Variants in EFCAB5 observed in about 807,000 individuals in gnomAD.
EFCAB5 encodes the protein EF-hand calcium-binding domain-containing protein 5.
In EFCAB5, 131 loss-of-function variants were observed where a neutral mutation model predicts 167.9. The ratio of observed to expected loss-of-function variants is 0.78; its 90% CI spans 0.68 to 0.90. The LOEUF is 0.90. EFCAB5 is among the 40% of genes least tolerant of loss of function. The pLI, the probability that EFCAB5 is intolerant of heterozygous loss-of-function variation, is 0.00. For synonymous variants in EFCAB5, 574 were observed against 602.8 expected, an observed-to-expected ratio of 0.95 and a Z score of 0.70; for missense variants, 1,663 against 1,745.2, an observed-to-expected ratio of 0.95 and a Z score of 0.84.
upstream of EFCAB5, among the ~76,000 whole-genome samples, chr17:29,939,393 A>G (rs1432186523): frequency 6.6e-6 from 1 of 152,240 alleles, no homozygotes; most frequent in African/African-American, 2.4e-5. Context: ...CATTGGTTTC[A>G]ACTTAAAGTC....
At position 30,051,816 on chromosome 17, in the gene EFCAB5, G is replaced by A. The variant is rs75931483; in HGVS notation, c.1300+599G>A. On this transcript the variant is annotated intron_variant, in intron 9 of 22. Coordinates refer to ENST00000394835, the MANE Select transcript of EFCAB5 (RefSeq NM_198529.4). ...GCTGGGATTGTAGGTGTAAGCCACC[G>A]TACCCAGCCTGGTAATTCCATTTTT... is the stretch of plus-strand genomic sequence containing the variant. Among the ~76,000 whole-genome samples the A allele has an allele frequency of 4.6e-5, 7 of 152,184 alleles. No individual in the cohort carries two copies. The East Asian group carries it at 7.7e-4, about 17-fold the overall frequency.
chr17:29,980,094 G>A (rs1005988956), intron 4 of EFCAB5, among the ~76,000 whole-genome samples: 1 of 152,118 alleles, frequency 6.6e-6, no homozygotes, highest in African/African-American at 2.4e-5. Flanking sequence ...GCTTGACCCC[G>A]GGAGGCGGAG....
intron 7 of EFCAB5, among the ~76,000 whole-genome samples, chr17:30,002,165 C>G (rs902828369): frequency 8.5e-5 from 13 of 152,130 alleles, no homozygotes; most frequent in Middle Eastern, 3.4e-3. Flanking sequence ...AATAAATATT[C>G]TTTAAAACAT....
chr17:30,042,419 A>G (rs2069799974), intron 8 of EFCAB5, among the ~76,000 whole-genome samples: 1 of 152,164 alleles, frequency 6.6e-6, no homozygotes, highest in Non-Finnish European at 1.5e-5. Flanking sequence ...TGGTATCTCT[A>G]AGGAATGCCT....
intron 7 of EFCAB5, among the ~76,000 whole-genome samples, chr17:30,003,105 G>A (rs114374696): frequency 5.0e-5 from 7 of 140,996 alleles, no homozygotes; most frequent in South Asian, 2.5e-4. Flanking sequence ...GTAGCGGGGG[G>A]GGGGTCTGAT....
chr17:29,965,165 C>T (rs1180669829), intron 3 of EFCAB5, among the ~76,000 whole-genome samples: 1 of 151,938 alleles, frequency 6.6e-6, no homozygotes, highest in Non-Finnish European at 1.5e-5. Context: ...AATGTAATCA[C>T]TTACAGCTAT....
Position 30,067,855 on chromosome 17 carries a change from G to A in EFCAB5, c.2737+8154G>A, listed in dbSNP as rs115710158. Among the ~76,000 whole-genome samples, 1,088 of 152,274 alleles carry A rather than the reference G, an allele frequency of 7.1e-3. 15 individuals carry two copies. Among genetic ancestry groups the A allele is most frequent in the African/African-American group, 0.022 (933 of 41,538 alleles). ...AGCCAGAGCAGTTAGGAAAGAGACA[G>A]AAATAAAGGGCATCCAAATTGGAAA... On this transcript the variant is annotated intron_variant, in intron 14 of 22. Transcript: ENST00000394835.
At chr17:30,084,490 C>G (rs1370280564) in intron 18 of EFCAB5, among the ~76,000 whole-genome samples, 1 of 152,164 alleles carries the variant, frequency 6.6e-6, no homozygotes, top group Non-Finnish European at 1.5e-5. Context: ...ACAAAGCCAC[C>G]AGGGTCACAC....
chr17:29,942,514 T>A (rs2151514935), intron 2 of EFCAB5, among the ~76,000 whole-genome samples: 1 of 152,298 alleles, frequency 6.6e-6, no homozygotes, highest in Non-Finnish European at 1.5e-5. Flanking sequence ...GAAGAACTGT[T>A]ATAAATTACA....
chr17:30,100,843 C>T (rs999093060), intron 22 of EFCAB5, among the ~76,000 whole-genome samples: 2 of 151,986 alleles, frequency 1.3e-5, no homozygotes, highest in Non-Finnish European at 2.9e-5. Context: ...AAGGAATATT[C>T]CAGGTGTTGC....
chr17:30,053,510 A>G lies in EFCAB5; in HGVS notation c.1556A>G (p.Gln519Arg), dbSNP rs1051054283. 3 of 1,613,842 alleles carry G rather than the reference A, an allele frequency of 1.9e-6. No individual in the cohort carries two copies. The African/African-American group carries it at 4.0e-5, about 22-fold the overall frequency. The stretch of plus-strand genomic sequence containing the variant: ...GGAGTAACTGCAGAACAAGGACCAC[A>G]AAGAATTTCAATTGAAGAACAACAA... ...QRGVTAEQGP[Q>R]RISIEEQQQG... The change falls in exon 10 of 23, where the codon CAA (glutamine) becomes CGA (arginine). Residue 519 changes from glutamine to arginine, a missense_variant. Coordinates refer to ENST00000394835, the MANE Select transcript of EFCAB5 (RefSeq NM_198529.4).
chr17:30,107,617 A>G (rs2071465678), intron 22 of EFCAB5, among the ~76,000 whole-genome samples: 1 of 152,206 alleles, frequency 6.6e-6, no homozygotes, highest in Admixed American at 6.5e-5. Flanking sequence ...ATGAATACAA[A>G]TAACTCTAAT....
chr17:29,955,892 T>A (rs9900112), intron 3 of EFCAB5, among the ~76,000 whole-genome samples: 73,852 of 151,646 alleles, frequency 0.49, 18,326 homozygotes, highest in East Asian at 0.68. Flanking sequence ...AACCTGGAGG[T>A]ATCATGCTAC....
At position 30,053,121 on chromosome 17, in the gene EFCAB5, A is replaced by G. The variant is rs183554591; in HGVS notation, c.1301-134A>G. On this transcript the variant is annotated intron_variant, in intron 9 of 22. Transcript: ENST00000394835. ...TTTTATTGTGTTGCAGCCAAAGATA[A>G]CTGATATTTATTTAGAGCAATAGGC... is the stretch of plus-strand genomic sequence containing the variant. 4.9e-6 allele frequency: 5 copies of G among 1,014,050 alleles called. No homozygotes were observed. The Admixed American group carries it at 1.4e-4, about 29-fold the overall frequency. 62.8% of individuals were successfully genotyped at this position (1,014,050 alleles called of 1,614,324 possible).
At chr17:29,996,714 T>G (rs946501697) in intron 6 of EFCAB5, among the ~76,000 whole-genome samples, 3 of 152,218 alleles carry the variant, frequency 2.0e-5, no homozygotes, top group Non-Finnish European at 4.4e-5. Flanking sequence ...GAAAACTATA[T>G]GCACTGGCTA....
chr17:29,968,256 A>C (rs2151576281), intron 3 of EFCAB5: 1 of 424,666 alleles, frequency 2.4e-6, no homozygotes, highest in African/African-American at 2.1e-5. Flanking sequence ...TTTGAACCAA[A>C]CCCTGGCACC....
At chr17:29,942,117 C>G in intron 1 of EFCAB5, 123 bp from the exon 2 acceptor site, 1 of 823,220 alleles carries the variant, frequency 1.2e-6, no homozygotes, top group Non-Finnish European at 1.9e-6. Context: ...TTTTATTTCA[C>G]ATGATATTTA....
At chr17:30,012,115 G>A (rs920100092) in intron 7 of EFCAB5, among the ~76,000 whole-genome samples, 11 of 152,166 alleles carry the variant, frequency 7.2e-5, no homozygotes, top group Admixed American at 5.9e-4. Context: ...TAGTGGTAAC[G>A]CCAGCGTCTG....
At chr17:29,970,637 G>GACACACACACACACACACAC (rs34545008) in intron 4 of EFCAB5, among the ~76,000 whole-genome samples, 25 of 138,740 alleles carry the variant, frequency 1.8e-4, no homozygotes, top group African/African-American at 2.5e-4. Context: ...CTCAAAAACA[G>GACACACACACACACACACAC]ACACACACAC....
Sources: gnomAD v4.1 joint callset for allele counts (sites outside exome capture counted in the v4.1 genomes callset) on GRCh38, gnomAD v4.1.1 for gene constraint, MANE v1.5 for transcripts, NCBI Gene and HGNC (gene_info 2026-07-23, HGNC 2026-07-21) for gene names.